PIK3C2G: variants seen among roughly 807,000 people sequenced by gnomAD.
PIK3C2G encodes phosphatidylinositol-4-phosphate 3-kinase catalytic subunit type 2 gamma.
In PIK3C2G, 168 loss-of-function variants were observed where a neutral mutation model predicts 181.1. That is an observed-to-expected ratio of 0.93 (90% CI 0.82 to 1.05). PIK3C2G has a LOEUF of 1.05. Ranked by LOEUF, PIK3C2G falls within the 50% of genes least tolerant of loss-of-function variation. The pLI, the probability that PIK3C2G is intolerant of heterozygous loss-of-function variation, is 0.00. For synonymous variants in PIK3C2G, 573 were observed against 592.2 expected (o/e 0.97, Z 0.47); for missense variants, 1,869 against 1,732.8 (o/e 1.08, Z -1.40).
intron 31 of PIK3C2G, among the ~76,000 whole-genome samples, chr12:18,638,710 C>A (rs888181173): frequency 3.3e-5 from 5 of 152,054 alleles, no homozygotes; most frequent in Admixed American, 3.3e-4. Context: ...CATCCCACGA[C>A]CCAGCCATAA....
At chr12:18,696,322 CTATATATATA>C in the PIK3C2G span, 6,094 of 263,852 alleles carry the variant, frequency 0.023, 7 homozygotes, top group Non-Finnish European at 0.026. Flanking sequence ...TAAAAAGCCA[CTATATATATA>C]TATATATATA....
intron 15 of PIK3C2G, among the ~76,000 whole-genome samples, chr12:18,392,362 T>C (rs1012443050): frequency 7.2e-5 from 11 of 152,114 alleles, no homozygotes; most frequent in African/African-American, 2.7e-4. Context: ...AGTTTTCTTT[T>C]GAGTAATCTT....
intron 29 of PIK3C2G, among the ~76,000 whole-genome samples, chr12:18,576,788 T>TTGA (rs1234515456): frequency 1.3e-5 from 2 of 152,344 alleles, no homozygotes; most frequent in East Asian, 3.9e-4. Context: ...ACATAGAATG[T>TTGA]TGACATCTTA....
intron 24 of PIK3C2G, among the ~76,000 whole-genome samples, chr12:18,524,123 A>T (rs1943085425): frequency 6.6e-6 from 1 of 152,108 alleles, no homozygotes; most frequent in African/African-American, 2.4e-5. Flanking sequence ...TACTCCTAGC[A>T]TTTCCTTTGA....
rs373481200 is a variant in PIK3C2G, at chr12:18,567,044, A to G, written c.3998A>G (p.His1333Arg). Residue 1333 changes from histidine to arginine, a missense_variant, in exon 29 of 33, where the codon CAT (histidine) becomes CGT (arginine). His to Arg is a conservative substitution (Grantham distance 29, BLOSUM62 0). Coordinates refer to ENST00000538779, the MANE Select transcript of PIK3C2G (RefSeq NM_001288772.2). The part of the protein sequence containing the change: ...HYMEQILNVS[H>R]EVTNSDCVLS... ...ATGGAACAGATATTAAATGTATCAC[A>G]TGAAGTTACAAACGTATGTTATAAT... 19 of 1,366,940 alleles carry G rather than the reference A, an allele frequency of 1.4e-5. No individual in the cohort carries two copies. The highest frequency in any genetic ancestry group is 1.7e-5 in the Admixed American group (1 of 57,396). 84.7% of individuals were successfully genotyped at this position (1,366,940 alleles called of 1,614,324 possible).
chr12:18,600,332 A>G (rs1947638564), intron 30 of PIK3C2G, among the ~76,000 whole-genome samples: 1 of 152,054 alleles, frequency 6.6e-6, no homozygotes, highest in African/African-American at 2.4e-5. Flanking sequence ...CAAATGGATT[A>G]CAGAAAAAAT....
intron 18 of PIK3C2G, among the ~76,000 whole-genome samples, chr12:18,471,688 T>C (rs1176652285): frequency 6.6e-6 from 1 of 152,188 alleles, no homozygotes; most frequent in Non-Finnish European, 1.5e-5. Context: ...TGAACAATGG[T>C]AATTTCTTCC....
At chr12:18,327,780 T>C (rs1951414224) in intron 8 of PIK3C2G, among the ~76,000 whole-genome samples, 1 of 152,152 alleles carries the variant, frequency 6.6e-6, no homozygotes, top group Middle Eastern at 3.4e-3. Context: ...TATCACTGAA[T>C]GCTTACTTCA....
intron 32 of PIK3C2G, 50 bp from the exon 33 acceptor site, chr12:18,647,826 T>C (rs2136863795): frequency 1.8e-6 from 2 of 1,116,878 alleles, no homozygotes; most frequent in Non-Finnish European, 2.4e-6. Context: ...AAAAAAGAGA[T>C]GTATTTAAGC....
chr12:18,327,283 C>T (rs1951388521), intron 8 of PIK3C2G, among the ~76,000 whole-genome samples: 1 of 152,006 alleles, frequency 6.6e-6, no homozygotes, highest in African/African-American at 2.4e-5. Context: ...TATCAGTTCA[C>T]AATTTTGCGC....
At chr12:18,711,178 T>C in the PIK3C2G span, among the ~76,000 whole-genome samples, 1 of 151,596 alleles carries the variant, frequency 6.6e-6, no homozygotes, top group Non-Finnish European at 1.5e-5. Context: ...ATGGGGAACA[T>C]ATACACCATG....
chr12:18,299,351 T>C (rs2063900101), intron 5 of PIK3C2G, among the ~76,000 whole-genome samples: 1 of 151,922 alleles, frequency 6.6e-6, no homozygotes, highest in African/African-American at 2.4e-5. Context: ...TAGTTTGTTA[T>C]GGGTTCATAA....
chr12:18,688,205 A>G, the PIK3C2G span: 1 of 1,609,370 alleles, frequency 6.2e-7, no homozygotes, highest in East Asian at 2.2e-5. Flanking sequence ...AGGCAACTGG[A>G]TACCACTGAT....
intron 29 of PIK3C2G, among the ~76,000 whole-genome samples, chr12:18,570,838 C>G (rs1945898904): frequency 6.6e-6 from 1 of 150,622 alleles, no homozygotes; most frequent in South Asian, 2.1e-4. Context: ...CTGGATCGAC[C>G]ACATCAAGGA....
intron 5 of PIK3C2G, among the ~76,000 whole-genome samples, chr12:18,303,291 C>A (rs543122223): frequency 6.9e-4 from 101 of 147,210 alleles, no homozygotes; most frequent in Non-Finnish European, 1.2e-3. Context: ...TCCTTTCTTT[C>A]TTTCTTTCTC....
At chr12:18,668,002 C>T in the PIK3C2G span, among the ~76,000 whole-genome samples, 19 of 152,122 alleles carry the variant, frequency 1.2e-4, no homozygotes, top group Non-Finnish European at 2.6e-4. Flanking sequence ...AGATTTTTAC[C>T]TAAGGTCTAC....
intron 14 of PIK3C2G, among the ~76,000 whole-genome samples, chr12:18,382,464 G>C (rs565656652): frequency 4.6e-5 from 7 of 152,278 alleles, no homozygotes; most frequent in Admixed American, 2.0e-4. Context: ...TAGTTTGTCA[G>C]GTTGGTTGGA....
At chr12:18,642,987 G>T (rs1286788458) in intron 32 of PIK3C2G, among the ~76,000 whole-genome samples, 1 of 151,972 alleles carries the variant, frequency 6.6e-6, no homozygotes, top group African/African-American at 2.4e-5. Context: ...TACTTTTTGA[G>T]TACAAGTCTC....
intron 16 of PIK3C2G, among the ~76,000 whole-genome samples, chr12:18,409,509 C>A (rs1390545046): frequency 4.6e-5 from 7 of 151,894 alleles, no homozygotes; most frequent in African/African-American, 1.4e-4. Context: ...AACAAACCTG[C>A]CTGTTCTGAA....
Sources: gnomAD v4.1 joint callset for allele counts (sites outside exome capture counted in the v4.1 genomes callset) on GRCh38, gnomAD v4.1.1 for gene constraint, MANE v1.5 for transcripts, NCBI Gene and HGNC (gene_info 2026-07-23, HGNC 2026-07-21) for gene names.